Variants in PHF21A observed in about 807,000 individuals in gnomAD.
PHF21A encodes BHC80a.
Under a neutral mutation model 82.5 loss-of-function variants are expected in PHF21A, and 11 were observed. The ratio of observed to expected loss-of-function variants is 0.13; its 90% CI spans 0.08 to 0.22. PHF21A has a LOEUF of 0.22. PHF21A is among the 10% of genes least tolerant of loss of function. The pLI, the probability that PHF21A is intolerant of heterozygous loss-of-function variation, is 1.00. For missense variants in PHF21A, 579 were observed against 837.8 expected (o/e 0.69, Z 3.81); for synonymous variants, 297 against 302.8 (o/e 0.98, Z 0.20).
intron 6 of PHF21A, chr11:46,026,888 C>T (rs996150541): frequency 2.6e-5 from 4 of 152,194 alleles, no homozygotes; most frequent in Non-Finnish European, 5.9e-5. Context: ...CAAAGGTCTT[C>T]TCCCAGCATT....
intron 1 of PHF21A, among the ~76,000 whole-genome samples, chr11:46,107,569 C>T (rs141044234): frequency 2.0e-5 from 3 of 152,266 alleles, no homozygotes; most frequent in Non-Finnish European, 2.9e-5. Context: ...TTTAGCACTT[C>T]GTGGATCTAA....
intron 9 of PHF21A, among the ~76,000 whole-genome samples, chr11:45,967,079 C>T (rs2093482564): frequency 6.6e-6 from 1 of 152,014 alleles, no homozygotes; most frequent in Non-Finnish European, 1.5e-5. Flanking sequence ...TAAAAATGAC[C>T]CTTTCCTGGC....
intron 1 of PHF21A, chr11:46,116,488 C>T (rs184918284): frequency 1.9e-4 from 29 of 151,740 alleles, no homozygotes; most frequent in African/African-American, 6.8e-4. Context: ...ACTATCACAT[C>T]ACATCAATGG....
At chr11:46,092,636 T>C (rs180909664) in intron 1 of PHF21A, among the ~76,000 whole-genome samples, 18 of 152,312 alleles carry the variant, frequency 1.2e-4, no homozygotes, top group Admixed American at 1.1e-3. Flanking sequence ...ATAAAAGGCA[T>C]TTTTTTCAAT....
intron 1 of PHF21A, among the ~76,000 whole-genome samples, chr11:46,109,866 A>T (rs1395836552): frequency 6.6e-6 from 1 of 151,900 alleles, no homozygotes; most frequent in East Asian, 1.9e-4. Flanking sequence ...TGTAGTCCCA[A>T]CTACTCGGGA....
At chr11:46,085,904 T>C (rs145351106) in intron 3 of PHF21A, among the ~76,000 whole-genome samples, 1 of 152,074 alleles carries the variant, frequency 6.6e-6, no homozygotes, top group East Asian at 1.9e-4. Context: ...GCTTATATAC[T>C]AGATTATATA....
chr11:45,957,831 C>A (rs1488420979), intron 10 of PHF21A, among the ~76,000 whole-genome samples: 2 of 144,254 alleles, frequency 1.4e-5, no homozygotes, highest in Non-Finnish European at 3.1e-5. Context: ...ACAGACTCAA[C>A]AAAACCAAAA....
intron 6 of PHF21A, among the ~76,000 whole-genome samples, chr11:46,063,776 A>G (rs572621918): frequency 1.3e-5 from 2 of 152,340 alleles, no homozygotes; most frequent in South Asian, 4.1e-4. Flanking sequence ...ATTAGCAGGA[A>G]CTGATGAGGC....
intron 6 of PHF21A, among the ~76,000 whole-genome samples, chr11:46,015,694 A>T (rs1018864193): frequency 2.0e-5 from 3 of 152,220 alleles, no homozygotes; most frequent in African/African-American, 7.2e-5. Context: ...AATTAAAAAC[A>T]AAGACACAAA....
rs1484036016 is a variant in PHF21A at position 46,014,958 on chromosome 11, C to T, written c.154-34992G>A. 8.1e-5 allele frequency among the ~76,000 whole-genome samples: 9 copies of T among 111,456 alleles called. 3 individuals carry two copies. The highest frequency in any genetic ancestry group is 1.2e-4 in the Non-Finnish European group (7 of 58,864). The allele number at this position is 111,456 out of a possible 152,430, so 73.1% of individuals were successfully genotyped here. A position where few individuals can be genotyped will look rare whatever the true frequency, so the allele number is the denominator to read the frequency against. Reference sequence around the variant, plus strand: ...TCCCGCCACTGCACTCCAGCCTGGGCGACAGAGCGAGACTCCGTCTCAAAA... The same window carrying T: ...TCCCGCCACTGCACTCCAGCCTGGGTGACAGAGCGAGACTCCGTCTCAAAA... On this transcript the variant is annotated intron_variant, in intron 6 of 18. Transcript: ENST00000676320.
intron 3 of PHF21A, among the ~76,000 whole-genome samples, chr11:46,088,848 C>A (rs1196525344): frequency 2.0e-5 from 3 of 152,090 alleles, no homozygotes; most frequent in South Asian, 4.1e-4. Context: ...CTAACTATTT[C>A]TCTGGGTATA....
intron 1 of PHF21A, among the ~76,000 whole-genome samples, chr11:46,095,368 A>G (rs1238275451): frequency 6.6e-6 from 1 of 152,212 alleles, no homozygotes; most frequent in Non-Finnish European, 1.5e-5. Context: ...TTTCTCACAT[A>G]CATTTCACAC....
chr11:46,057,500 T>C (rs1311413403), intron 6 of PHF21A, among the ~76,000 whole-genome samples: 1 of 152,190 alleles, frequency 6.6e-6, no homozygotes, highest in Non-Finnish European at 1.5e-5. Context: ...TGAAATGTCT[T>C]GACTTATAAA....
intron 7 of PHF21A, 69 bp from the exon 8 acceptor site, chr11:45,971,436 A>T: frequency 7.4e-7 from 1 of 1,345,674 alleles, no homozygotes; most frequent in Non-Finnish European, 1.0e-6. Context: ...ATCCCACTAA[A>T]CAATATGCTG....
At chr11:46,070,090 T>C (rs895626777) in intron 6 of PHF21A, among the ~76,000 whole-genome samples, 19 of 152,186 alleles carry the variant, frequency 1.2e-4, no homozygotes, top group Non-Finnish European at 2.8e-4. Flanking sequence ...GGTTCCCCCA[T>C]CCCTACCCAG....
intron 6 of PHF21A, among the ~76,000 whole-genome samples, chr11:46,020,656 C>A (rs1245499249): frequency 6.6e-6 from 1 of 152,176 alleles, no homozygotes; most frequent in Non-Finnish European, 1.5e-5. Flanking sequence ...ACCCAGAGTT[C>A]TCTATATTTT....
At position 46,099,648 on chromosome 11, in the gene PHF21A, G is replaced by GA. The variant is rs2097063535; in HGVS notation, c.-236-7426dup. ...AATGCAAGGCTTTGCTGCAGGCCTA[G>GA]AAAACTCAGAGTAGGCCTTACCGAA... On this transcript the variant is annotated intron_variant, in intron 1 of 18. Coordinates refer to ENST00000676320, the MANE Select transcript of PHF21A (RefSeq NM_001352027.3). Among the ~76,000 whole-genome samples the GA allele has an allele frequency of 2.0e-5, 3 of 152,012 alleles. No homozygotes were observed. In the South Asian group the frequency reaches 6.2e-4, roughly 31 times the overall value.
At chr11:46,055,113 T>C (rs2096432670) in intron 6 of PHF21A, among the ~76,000 whole-genome samples, 1 of 152,112 alleles carries the variant, frequency 6.6e-6, no homozygotes, top group African/African-American at 2.4e-5. Context: ...CATTTTGGAC[T>C]TTTAAATTAT....
chr11:45,949,678 C>T (rs769855518), intron 12 of PHF21A, among the ~76,000 whole-genome samples, 197 bp from the exon 13 acceptor site: 5 of 152,216 alleles, frequency 3.3e-5, no homozygotes, highest in Non-Finnish European at 5.9e-5. Flanking sequence ...TGCAAGACCA[C>T]GCTGTCCTAC....
Sources: gnomAD v4.1 joint callset for allele counts (sites outside exome capture counted in the v4.1 genomes callset) on GRCh38, gnomAD v4.1.1 for gene constraint, MANE v1.5 for transcripts, NCBI Gene and HGNC (gene_info 2026-07-23, HGNC 2026-07-21) for gene names.